The following VWA8 variants were observed in gnomAD, a reference collection of about 807,000 sequenced individuals.
VWA8 encodes von Willebrand factor A domain-containing protein 8.
VWA8 carries 221 observed loss-of-function variants against 241.5 expected under a neutral mutation model. The observed-to-expected ratio is 0.91, with a 90% CI of 0.82 to 1.02. The LOEUF is 1.02. VWA8 is among the 50% of genes least tolerant of loss of function. VWA8 has a pLI of 0.00. For missense variants in VWA8, 2,322 were observed against 2,328.7 expected (o/e 1.00, Z 0.06); for synonymous variants, 852 against 827.1 (o/e 1.03, Z -0.52).
chr13:41,915,905 T>G (rs1876231065), intron 2 of VWA8, among the ~76,000 whole-genome samples: 1 of 152,214 alleles, frequency 6.6e-6, no homozygotes, highest in Non-Finnish European at 1.5e-5. Flanking sequence ...TATAATTTAT[T>G]GCATTCCTAT....
At chr13:41,794,686 G>C (rs1350860104) in intron 17 of VWA8, among the ~76,000 whole-genome samples, 2 of 152,198 alleles carry the variant, frequency 1.3e-5, no homozygotes, top group Non-Finnish European at 2.9e-5. Context: ...TAAAAGTGGT[G>C]AAAGAGGACA....
At chr13:41,739,849 T>A (rs1169185) in intron 21 of VWA8, among the ~76,000 whole-genome samples, 2 of 54,022 alleles carry the variant, frequency 3.7e-5, no homozygotes, top group Non-Finnish European at 8.1e-5. Flanking sequence ...GTTTTTTTTG[T>A]TTTTTTTGTT....
In VWA8 at chr13:41,724,982, T is replaced by C. The variant is rs560537706; in HGVS notation, c.2758+2212A>G. On this transcript the variant is annotated intron_variant, in intron 24 of 44. Coordinates refer to ENST00000379310, the MANE Select transcript of VWA8 (RefSeq NM_015058.2). ...GAGGCCCATTGTTAAGAATCTGAAA[T>C]GAGATTGGTCAGTTTTGGGCTTTTT... Among the ~76,000 whole-genome samples, 4 of 152,126 alleles carry C rather than the reference T, an allele frequency of 2.6e-5. 1 individual carries two copies. The highest frequency in any genetic ancestry group is 9.6e-5 in the African/African-American group (4 of 41,508).
chr13:41,954,857 C>T (rs1053745333), intron 1 of VWA8, among the ~76,000 whole-genome samples: 3 of 152,030 alleles, frequency 2.0e-5, no homozygotes, highest in Admixed American at 6.5e-5. Flanking sequence ...TTAAACTTAC[C>T]AGGAAAACTT....
intron 24 of VWA8, among the ~76,000 whole-genome samples, chr13:41,725,147 A>G (rs1332284500): frequency 6.6e-6 from 1 of 152,010 alleles, no homozygotes; most frequent in Non-Finnish European, 1.5e-5. Flanking sequence ...GAAGAATAAT[A>G]TATGTAAGGG....
At chr13:41,787,094 A>G (rs371647371) in intron 18 of VWA8, among the ~76,000 whole-genome samples, 7 of 149,978 alleles carry the variant, frequency 4.7e-5, no homozygotes, top group East Asian at 3.9e-4. Flanking sequence ...AGCATTCTAG[A>G]TTCACTGGTG....
At chr13:41,733,806 C>G (rs892931566) in intron 21 of VWA8, among the ~76,000 whole-genome samples, 1 of 152,144 alleles carries the variant, frequency 6.6e-6, no homozygotes, top group African/African-American at 2.4e-5. Context: ...GTCCCTCATT[C>G]TGTCCCCCAC....
At chr13:41,933,265 T>C (rs1302050541) in intron 2 of VWA8, among the ~76,000 whole-genome samples, 3 of 151,878 alleles carry the variant, frequency 2.0e-5, no homozygotes, top group Non-Finnish European at 4.4e-5. Flanking sequence ...ACAAAACATA[T>C]GCAAGACCTG....
chr13:41,782,608 C>G (rs770727669), intron 19 of VWA8, among the ~76,000 whole-genome samples: 6 of 151,968 alleles, frequency 3.9e-5, no homozygotes, highest in Non-Finnish European at 8.8e-5. Flanking sequence ...GAATAAAAAT[C>G]AAATCAAGGT....
At chr13:41,866,392 CGT>C (rs71700459) in intron 10 of VWA8, among the ~76,000 whole-genome samples, 12,389 of 148,822 alleles carry the variant, frequency 0.083, 538 homozygotes, top group East Asian at 0.11. Flanking sequence ...TGTGTGTGCG[CGT>C]GTGTGTGTGT....
chr13:41,712,946 G>A (rs1025149214), intron 26 of VWA8, among the ~76,000 whole-genome samples: 4 of 152,194 alleles, frequency 2.6e-5, no homozygotes, highest in Admixed American at 6.5e-5. Context: ...CTTTAAAAAT[G>A]TGTTGTCTAC....
intron 39 of VWA8, among the ~76,000 whole-genome samples, chr13:41,608,292 T>C (rs1367041911): frequency 2.0e-5 from 3 of 152,100 alleles, no homozygotes; most frequent in Admixed American, 1.3e-4. Flanking sequence ...TCAAAGCTGA[T>C]AAATTTTGAA....
At chr13:41,616,953 T>C (rs1448422278) in intron 37 of VWA8, among the ~76,000 whole-genome samples, 1 of 152,164 alleles carries the variant, frequency 6.6e-6, no homozygotes, top group Non-Finnish European at 1.5e-5. Context: ...ACAGTTTTAT[T>C]CTGTTGCTAA....
intron 23 of VWA8, among the ~76,000 whole-genome samples, chr13:41,727,981 A>G (rs2137859052): frequency 6.6e-6 from 1 of 152,240 alleles, no homozygotes; most frequent in South Asian, 2.1e-4. Flanking sequence ...ATAGAATTGC[A>G]AGTCCAGAAA....
At chr13:41,747,100 T>G (rs868163415) in intron 21 of VWA8, among the ~76,000 whole-genome samples, 45 of 152,330 alleles carry the variant, frequency 3.0e-4, no homozygotes, top group Middle Eastern at 3.4e-3. Flanking sequence ...TGGTTCCATA[T>G]GAACTTTAAA....
intron 12 of VWA8, among the ~76,000 whole-genome samples, chr13:41,845,192 A>G (rs1281491141): frequency 6.6e-6 from 1 of 152,192 alleles, no homozygotes. Context: ...AACATACGAA[A>G]AAATGCTCAA....
intron 17 of VWA8, among the ~76,000 whole-genome samples, chr13:41,806,720 C>A (rs1870227738): frequency 6.6e-6 from 1 of 150,738 alleles, no homozygotes; most frequent in Non-Finnish European, 1.5e-5. Flanking sequence ...AGAAAAAAAA[C>A]TACAAAAATT....
chr13:41,787,503 G>A lies in VWA8; in HGVS notation c.2104C>T (p.Leu702=), dbSNP rs186059781. 1 of 1,612,460 alleles carries A rather than the reference G, an allele frequency of 6.2e-7. No homozygotes were observed. The highest frequency in any genetic ancestry group is 8.5e-7 in the Non-Finnish European group (1 of 1,179,260). Residue 702 remains leucine, a synonymous_variant, in exon 18 of 45, where the codon CTG becomes TTG. Transcript: ENST00000379310. ...SLARSALEKN[L]ADATIEINTD... is the part of the protein sequence containing the mutation. ...TTTATTTCTATTGTAGCATCTGCCAGATTTTTTTCTAATGCTGACCTAGCA... is the reference window on the plus strand; with the variant it reads ...TTTATTTCTATTGTAGCATCTGCCAAATTTTTTTCTAATGCTGACCTAGCA...
rs1322223674 is a variant in VWA8 at position 41,873,561 on chromosome 13, C to T, written c.1081-5084G>A. On this transcript the variant is annotated intron_variant, in intron 9 of 44. Coordinates refer to ENST00000379310, the MANE Select transcript of VWA8 (RefSeq NM_015058.2). The stretch of plus-strand genomic sequence containing the variant: ...TCAGAGAATGCTACAAACACCTCTA[C>T]GCAAATAAACTAGAAAATCTAGAAG... 6.6e-5 allele frequency among the ~76,000 whole-genome samples: 10 copies of T among 152,214 alleles called. No individual in the cohort carries two copies. The South Asian group carries it at 1.0e-3, about 16-fold the overall frequency.
Sources: allele counts gnomAD v4.1 joint callset (sites outside exome capture counted in the v4.1 genomes callset), GRCh38; gene constraint gnomAD v4.1.1; transcripts MANE v1.5; gene names NCBI Gene and HGNC (gene_info 2026-07-23, HGNC 2026-07-21).